Variants in USP34 observed in about 807,000 individuals in gnomAD.
USP34 encodes ubiquitin carboxyl-terminal hydrolase 34.
In USP34, 70 loss-of-function variants were observed where a neutral mutation model predicts 460.3. The observed-to-expected ratio is 0.15, with a 90% CI of 0.13 to 0.19. USP34 has a LOEUF of 0.19. Among genes scored for constraint, USP34 ranks in the 10% least tolerant of loss-of-function variants. USP34 has a pLI of 1.00. For missense variants in USP34, 3,985 were observed against 4,236.2 expected (o/e 0.94, Z 1.65); for synonymous variants, 1,647 against 1,405.3 (o/e 1.17, Z -3.85).
intron 50 of USP34, 129 bp from the exon 51 acceptor site, chr2:61,245,417 T>A: frequency 2.1e-6 from 1 of 481,572 alleles, no homozygotes; most frequent in African/African-American, 2.0e-5. Context: ...TAAGTTCTTA[T>A]TTTTACAATT....
rs1323830413 is a variant in USP34, at chr2:61,248,535, T to A, written c.6370A>T (p.Met2124Leu). The part of the protein sequence containing the change: ...DMTPYTEDFL[M>L]GKSERKEGFK... ...CCTTCTTTCCTCTCACTCTTTCCCA[T>A]AAGAAAATCTTCTGTATAGGGCGTC... Residue 2124 changes from methionine (M) to leucine (L), a missense_variant, in exon 49 of 80, where the codon ATG becomes TTG. By Grantham distance (15) the Met-to-Leu change is conservative. Around this residue, in one of 14 missense-constraint regions of USP34, gnomAD observed 70 missense variants for 78.1 expected, o/e 0.90. Coordinates refer to ENST00000398571, the MANE Select transcript of USP34 (RefSeq NM_014709.4). 6.4e-7 allele frequency: 1 copy of A among 1,568,980 alleles called. No homozygotes were observed. The highest frequency in any genetic ancestry group is 8.7e-7 in the Non-Finnish European group (1 of 1,154,810).
intron 1 of USP34, among the ~76,000 whole-genome samples, chr2:61,469,342 CAG>C (rs1395940366): frequency 1.2e-4 from 19 of 152,246 alleles, no homozygotes; most frequent in Non-Finnish European, 4.4e-5. Context: ...ATATAAAACA[CAG>C]TAAGTATTGA....
chr2:61,425,059 C>T (rs1416775871), intron 1 of USP34, among the ~76,000 whole-genome samples: 1 of 152,114 alleles, frequency 6.6e-6, no homozygotes. Flanking sequence ...ACCTCATGAT[C>T]CACCTGCCTT....
chr2:61,465,996 T>C (rs1055949344), intron 1 of USP34, among the ~76,000 whole-genome samples: 2 of 150,072 alleles, frequency 1.3e-5, no homozygotes, highest in South Asian at 2.1e-4. Flanking sequence ...TAAAATAAAA[T>C]AAACAAAAAC....
chr2:61,248,945 G>C (rs943013564), intron 48 of USP34, among the ~76,000 whole-genome samples: 5 of 152,152 alleles, frequency 3.3e-5, no homozygotes, highest in Non-Finnish European at 5.9e-5. Context: ...CACAGCAAGA[G>C]ATTAACAAGT....
At chr2:61,304,462 T>C (rs1276717417) in intron 27 of USP34, among the ~76,000 whole-genome samples, 9 of 152,214 alleles carry the variant, frequency 5.9e-5, no homozygotes, top group African/African-American at 1.9e-4. Context: ...GTATGTCGAA[T>C]CCTAATTACC....
Position 61,314,936 on chromosome 2 carries a change from T to C in USP34, c.3321A>G (p.Arg1107=), listed in dbSNP as rs1368001611. Residue 1107 remains arginine (R), a synonymous_variant, in exon 24 of 80, where the codon AGA becomes AGG. Coordinates refer to ENST00000398571, the MANE Select transcript of USP34 (RefSeq NM_014709.4). ...CTCGACTGACATCACCAGATTGTGCTCTTAAAGCAATGCCCCAAAATTGGT... is the reference window on the plus strand; with the variant it reads ...CTCGACTGACATCACCAGATTGTGCCCTTAAAGCAATGCCCCAAAATTGGT... The part of the protein sequence containing the change: ...GMDQFWGIAL[R]AQSGDVSRAA... 2.5e-6 allele frequency: 4 copies of C among 1,613,896 alleles called. No homozygotes were observed. The highest frequency in any genetic ancestry group is 3.4e-6 in the Non-Finnish European group (4 of 1,179,906).
chr2:61,193,048 C>A, intron 75 of USP34, 68 bp from the exon 76 acceptor site: 1 of 1,252,604 alleles, frequency 8.0e-7, no homozygotes. Context: ...CTCAACTCTG[C>A]AGGTACAATA....
chr2:61,259,158 T>C (rs756277543), intron 44 of USP34, among the ~76,000 whole-genome samples: 4 of 151,660 alleles, frequency 2.6e-5, no homozygotes, highest in Non-Finnish European at 5.9e-5. Flanking sequence ...ACTTGGAAGG[T>C]TGAGGGAGGA....
intron 41 of USP34, among the ~76,000 whole-genome samples, chr2:61,275,220 A>C (rs997531176): frequency 6.6e-5 from 10 of 152,236 alleles, no homozygotes; most frequent in African/African-American, 2.4e-4. Flanking sequence ...TGGAGGTTGC[A>C]GTGAGCTGAG....
At chr2:61,357,002 A>G (rs890581337) in intron 10 of USP34, among the ~76,000 whole-genome samples, 7 of 152,260 alleles carry the variant, frequency 4.6e-5, no homozygotes, top group African/African-American at 7.2e-5. Context: ...AAGTTCCACA[A>G]TAATAGTTGG....
intron 51 of USP34, 48 bp from the exon 52 acceptor site, chr2:61,241,867 T>A: frequency 1.0e-6 from 1 of 955,042 alleles, no homozygotes; most frequent in Non-Finnish European, 1.5e-6. Context: ...ATGGGTATAC[T>A]CAGCTATATT....
intron 5 of USP34, among the ~76,000 whole-genome samples, chr2:61,390,384 A>G (rs1476716416): frequency 6.6e-6 from 1 of 152,260 alleles, no homozygotes; most frequent in Non-Finnish European, 1.5e-5. Context: ...AGAAACTTGT[A>G]TGCCTCCATG....
At chr2:61,453,858 C>A (rs812925) in intron 1 of USP34, among the ~76,000 whole-genome samples, 1 of 151,556 alleles carries the variant, frequency 6.6e-6, no homozygotes, top group Admixed American at 6.6e-5. Context: ...AAATATGTGT[C>A]ACATTCAAAA....
At chr2:61,194,091 G>A (rs1385658878) in intron 75 of USP34, 1 of 985,328 alleles carries the variant, frequency 1.0e-6, no homozygotes, top group Non-Finnish European at 1.2e-6. Context: ...GTTGTAATTT[G>A]CCAAACCGTG....
At chr2:61,268,193 A>G (rs1046343168) in intron 41 of USP34, among the ~76,000 whole-genome samples, 26 of 152,164 alleles carry the variant, frequency 1.7e-4, no homozygotes, top group Non-Finnish European at 2.2e-4. Context: ...TTTGTCCAAT[A>G]AAAGAACTGT....
intron 37 of USP34, 91 bp downstream of exon 37, chr2:61,283,054 A>C (rs143985083): frequency 1.5e-6 from 2 of 1,362,320 alleles, no homozygotes; most frequent in Admixed American, 1.9e-5. Flanking sequence ...GGACTCACGC[A>C]TATTTGTTTC....
At chr2:61,201,065 T>C (rs1038026077) in intron 75 of USP34, among the ~76,000 whole-genome samples, 1 of 152,144 alleles carries the variant, frequency 6.6e-6, no homozygotes, top group African/African-American at 2.4e-5. Context: ...CCAGTCACAT[T>C]TGGCTATTTA....
rs1693469528 is a variant in USP34, at chr2:61,394,865, T to G, written c.741A>C (p.Thr247=). ...AAACAATACTTACATTAGACACAAC[T>G]GTAATAAACGCATGTGCTATAAGAA... ...LPFLIAHAFI[T]VVSNIRIWLH... is the part of the protein sequence containing the mutation. The change falls in exon 5 of 80, where the codon ACA becomes ACC. Residue 247 remains threonine, a synonymous_variant. Transcript: ENST00000398571. The G allele has an allele frequency of 6.3e-7, 1 of 1,577,284 alleles. No individual in the cohort carries two copies. The highest frequency in any genetic ancestry group is 8.6e-7 in the Non-Finnish European group (1 of 1,166,892).
Sources: allele counts gnomAD v4.1 joint callset (sites outside exome capture counted in the v4.1 genomes callset), GRCh38; gene constraint gnomAD v4.1.1; regional missense constraint gnomAD v4.1.1; transcripts MANE v1.5; gene names NCBI Gene and HGNC (gene_info 2026-07-23, HGNC 2026-07-21).